The following CCNDBP1 variants were observed in gnomAD, a reference collection of about 807,000 sequenced individuals.
CCNDBP1 encodes cyclin D1 binding protein 1, also known as cyclin-D1-binding protein 1.
A neutral mutation model predicts 46.2 loss-of-function variants in CCNDBP1; 45 were observed. That is an observed-to-expected ratio of 0.97 (90% CI 0.77 to 1.25). The LOEUF is 1.25. Ranked by LOEUF, CCNDBP1 falls within the 50% of genes most tolerant of loss-of-function variation. The pLI is 0.00. For missense variants in CCNDBP1, 436 were observed against 442.1 expected (o/e 0.99, Z 0.12); for synonymous variants, 154 against 163.6 (o/e 0.94, Z 0.45).
chr15:43,186,068 G>T, intron 2 of CCNDBP1, 86 bp from the exon 3 acceptor site: 1 of 1,353,756 alleles, frequency 7.4e-7, no homozygotes, highest in South Asian at 1.2e-5. Context: ...AAGTGTTTTT[G>T]AGAAGTCTCG....
At chr15:43,193,961 G>A (rs2042000231) in intron 9 of CCNDBP1, 1 of 292,176 alleles carries the variant, frequency 3.4e-6, no homozygotes, top group Non-Finnish European at 6.5e-6. Flanking sequence ...AATGTGTACT[G>A]CATATGCATC....
intron 1 of CCNDBP1, 52 bp downstream of exon 1, chr15:43,185,659 G>C: frequency 7.1e-7 from 1 of 1,403,096 alleles, no homozygotes; most frequent in Non-Finnish European, 9.6e-7. Flanking sequence ...TCGGGGTCGG[G>C]GAGAGGCCGG....
intron 2 of CCNDBP1, 65 bp downstream of exon 2, chr15:43,185,944 C>A (rs770360914): frequency 6.8e-5 from 101 of 1,486,222 alleles, no homozygotes; most frequent in Non-Finnish European, 9.0e-5. Context: ...CCCTTTTCCT[C>A]CCGCTGTCCC....
chr15:43,192,073 G>T (rs931897791), intron 8 of CCNDBP1, among the ~76,000 whole-genome samples: 2 of 152,130 alleles, frequency 1.3e-5, no homozygotes, highest in African/African-American at 4.8e-5. Flanking sequence ...CCAGTTGTCT[G>T]TATCTAAAAT....
chr15:43,192,873 T>C lies in CCNDBP1; in HGVS notation c.921+70T>C, dbSNP rs372845366. ...AATTTCACTAATCACTAGTATTTCCTGTAAGCTATAGGGTACATATTTATT... is the reference window on the plus strand; with the variant it reads ...AATTTCACTAATCACTAGTATTTCCCGTAAGCTATAGGGTACATATTTATT... On this transcript the variant is annotated intron_variant, in intron 9 of 10. Transcript: ENST00000300213. The C allele has an allele frequency of 5.2e-5, 71 of 1,356,460 alleles. No homozygotes were observed. In the African/African-American group the frequency reaches 8.9e-4, roughly 17 times the overall value. The allele number at this position is 1,356,460 out of a possible 1,614,324, so 84.0% of individuals were successfully genotyped here.
rs755718223 is a variant in CCNDBP1 at position 43,186,136 on chromosome 15, T to A, written c.170-18T>A. The A allele has an allele frequency of 1.9e-6, 3 of 1,612,894 alleles. No homozygotes were observed. The African/African-American group carries it at 4.0e-5, about 22-fold the overall frequency. On this transcript the variant is annotated intron_variant, in intron 2 of 10. Coordinates refer to ENST00000300213, the MANE Select transcript of CCNDBP1 (RefSeq NM_012142.5). ...CACTAACGTATTGGCACCTGCCTCCTCTTCGGCCACCCCCCAGATGAGGCA... is the reference window on the plus strand; with the variant it reads ...CACTAACGTATTGGCACCTGCCTCCACTTCGGCCACCCCCCAGATGAGGCA...
At chr15:43,191,127 C>A in intron 7 of CCNDBP1, 85 bp downstream of exon 7, 1 of 1,118,864 alleles carries the variant, frequency 8.9e-7, no homozygotes, top group Non-Finnish European at 1.4e-6. Flanking sequence ...GAGCATTGAC[C>A]AGATAGGTCC....
At position 43,192,747 on chromosome 15, in the gene CCNDBP1, G is replaced by C; in HGVS notation, c.865G>C (p.Asp289His). 1 of 1,614,070 alleles carries C rather than the reference G, an allele frequency of 6.2e-7. No individual in the cohort carries two copies. The highest frequency in any genetic ancestry group is 8.5e-7 in the Non-Finnish European group (1 of 1,179,960). Residue 289 changes from aspartate to histidine, a missense_variant, in exon 9 of 11, where the codon GAT (aspartate) becomes CAT (histidine). Physicochemically the swap from Asp to His is moderately conservative, Grantham distance 81 (BLOSUM62 -1). Coordinates refer to ENST00000300213, the MANE Select transcript of CCNDBP1 (RefSeq NM_012142.5). ...DISDEISPSV[D>H]DLALSIYPPM... The stretch of plus-strand genomic sequence containing the variant: ...ACTTTTGTTTTCTGCTCTTAGTGTG[G>C]ATGATTTGGCTCTGAGCATATATCC...
chr15:43,186,169 CTG>C lies in CCNDBP1; in HGVS notation c.189_190del (p.Ser64LysfsTer26), dbSNP rs774405951. 5.0e-6 allele frequency: 8 copies of C among 1,614,132 alleles called. No individual in the cohort carries two copies. The Admixed American group carries it at 1.2e-4, about 24-fold the overall frequency. Reference sequence around the variant, plus strand: ...CACCCCCCAGATGAGGCAGCTGTGACTGTGTCAAGGGAAGCCACGACTCTGAC... The same window carrying C: ...CACCCCCCAGATGAGGCAGCTGTGACTGTCAAGGGAAGCCACGACTCTGAC... On this transcript the variant is annotated frameshift_variant, in exon 3 of 11. Transcript: ENST00000300213. LOFTEE classifies it high-confidence loss of function.
At chr15:43,193,672 C>T (rs965342621) in intron 9 of CCNDBP1, among the ~76,000 whole-genome samples, 5 of 152,098 alleles carry the variant, frequency 3.3e-5, no homozygotes, top group Non-Finnish European at 1.5e-5. Context: ...TCTGTTCTCT[C>T]TAATGTTATT....
intron 3 of CCNDBP1, chr15:43,188,475 A>G (rs532852738): frequency 1.3e-5 from 2 of 152,306 alleles, no homozygotes; most frequent in South Asian, 2.1e-4. Flanking sequence ...GCCCTTATAG[A>G]GCAAACACAA....
chr15:43,185,457 G>A lies in CCNDBP1; in HGVS notation c.-42G>A, dbSNP rs1415187962. ...CTGTCGCAGTGCGGCTCCGGCAGTG[G>A]CAGCGGAGGCCTGTGTTTGCGGCCT... On this transcript the variant is annotated 5_prime_UTR_variant, in exon 1 of 11. Transcript: ENST00000300213. 1 of 1,457,668 alleles carries A rather than the reference G, an allele frequency of 6.9e-7. No homozygotes were observed. 90.3% of individuals were successfully genotyped at this position (1,457,668 alleles called of 1,614,324 possible).
intron 3 of CCNDBP1, among the ~76,000 whole-genome samples, chr15:43,186,543 G>A (rs973903206): frequency 1.2e-4 from 18 of 152,288 alleles, no homozygotes; most frequent in Admixed American, 1.1e-3. Context: ...TCTGACAGAT[G>A]AGCAAGGAGG....
chr15:43,188,027 C>A (rs1033099105), intron 3 of CCNDBP1, among the ~76,000 whole-genome samples: 1 of 151,282 alleles, frequency 6.6e-6, no homozygotes, highest in East Asian at 1.9e-4. Context: ...TTTTAAATTC[C>A]AATCTGTATG....
intron 3 of CCNDBP1, among the ~76,000 whole-genome samples, 171 bp downstream of exon 3, chr15:43,186,404 A>G (rs971068815): frequency 2.0e-5 from 3 of 152,260 alleles, no homozygotes; most frequent in African/African-American, 7.2e-5. Context: ...TGCCAAGTGC[A>G]GTTCCTGGCG....
Position 43,190,050 on chromosome 15 carries a change from C to T in CCNDBP1, c.332-5C>T. 1 of 1,613,838 alleles carries T rather than the reference C, an allele frequency of 6.2e-7. No individual in the cohort carries two copies. Among genetic ancestry groups the T allele is most frequent in the Non-Finnish European group, 8.5e-7 (1 of 1,179,842 alleles). On this transcript the variant is annotated splice_polypyrimidine_tract_variant and splice_region_variant and intron_variant, in intron 4 of 10. Transcript: ENST00000300213. Reference sequence around the variant, plus strand: ...AGGTTGCTTATTCTTTGGGTTTGGCCACAGGGATCACCCTGAGAAAGCTGG... The same window carrying T: ...AGGTTGCTTATTCTTTGGGTTTGGCTACAGGGATCACCCTGAGAAAGCTGG...
At chr15:43,191,913 T>C (rs2041958919) in intron 8 of CCNDBP1, among the ~76,000 whole-genome samples, 2 of 152,232 alleles carry the variant, frequency 1.3e-5, no homozygotes, top group Admixed American at 6.5e-5. Context: ...TATTCCAGAA[T>C]GTTTTGAGAG....
At chr15:43,190,639 C>G (rs1596392282) in intron 6 of CCNDBP1, among the ~76,000 whole-genome samples, 1 of 152,154 alleles carries the variant, frequency 6.6e-6, no homozygotes, top group Non-Finnish European at 1.5e-5. Flanking sequence ...GGTTTGTTTT[C>G]CTAGTCCTAC....
At chr15:43,185,766 T>C in intron 1 of CCNDBP1, 54 bp from the exon 2 acceptor site, 1 of 1,578,696 alleles carries the variant, frequency 6.3e-7, no homozygotes, top group Non-Finnish European at 8.6e-7. Flanking sequence ...TGGCTCCGCT[T>C]ACCTCAGCTT....
Sources: allele counts gnomAD v4.1 joint callset (sites outside exome capture counted in the v4.1 genomes callset), GRCh38; gene constraint gnomAD v4.1.1; transcripts MANE v1.5; gene names NCBI Gene and HGNC (gene_info 2026-07-23, HGNC 2026-07-21).